Variants in LIG1 observed in about 807,000 individuals in gnomAD.
The protein encoded by LIG1 is ligase I, DNA, ATP-dependent.
A neutral mutation model predicts 115.7 loss-of-function variants in LIG1; 70 were observed. The observed-to-expected ratio is 0.60, with a 90% CI of 0.50 to 0.74. LIG1 has a LOEUF of 0.74. Among genes scored for constraint, LIG1 ranks in the 30% least tolerant of loss-of-function variants. The probability of loss-of-function intolerance (pLI) is 0.00; values close to 1 mark genes in which losing one functional copy is unlikely to be tolerated. For missense variants in LIG1, 1,115 were observed against 1,225.6 expected, an observed-to-expected ratio of 0.91 and a Z score of 1.35; for synonymous variants, 487 against 495.3, an observed-to-expected ratio of 0.98 and a Z score of 0.22.
intron 24 of LIG1, chr19:48,120,566 T>C: frequency 2.0e-6 from 2 of 984,620 alleles, no homozygotes; most frequent in South Asian, 9.4e-5. Context: ...AGAAAAACTT[T>C]AACTTGAAAA....
chr19:48,123,011 AG>A lies in LIG1; in HGVS notation c.2154del (p.Cys719AlafsTer4). 1 of 1,613,850 alleles carries A rather than the reference AG, an allele frequency of 6.2e-7. No individual in the cohort carries two copies. Among genetic ancestry groups the A allele is most frequent in the South Asian group, 1.1e-5 (1 of 91,052 alleles). On this transcript the variant is annotated frameshift_variant, in exon 23 of 28. Transcript: ENST00000263274. LOFTEE classifies it high-confidence loss of function. ...AGGGTCTTCACCATCAGCCCCTCGC[AG>A]GAGTCTGAGGGAGACACAGAAGCGT... ...AEFLEQSVKD[S>X]CEGLMVKTLD... is the part of the protein sequence containing the mutation.
chr19:48,139,512 C>T (rs954333672), intron 12 of LIG1, among the ~76,000 whole-genome samples: 1 of 152,186 alleles, frequency 6.6e-6, no homozygotes, highest in Non-Finnish European at 1.5e-5. Flanking sequence ...CACTCCAGGC[C>T]CTTGGCAGGC....
chr19:48,136,012 G>A, intron 15 of LIG1, 22 bp downstream of exon 15: 3 of 1,539,558 alleles, frequency 1.9e-6, no homozygotes, highest in Non-Finnish European at 2.6e-6. Flanking sequence ...GAGGGATGCA[G>A]AGACGGGCCA....
In LIG1 at chr19:48,133,108, A is replaced by G; in HGVS notation, c.1610-11T>C. The G allele has an allele frequency of 6.4e-7, 1 of 1,559,720 alleles. No individual in the cohort carries two copies. The highest frequency in any genetic ancestry group is 8.8e-7 in the Non-Finnish European group (1 of 1,130,540). ...GTTTCAGGGGAATCCCTGGGAAAGGAGGAGAGTGAGTTAGAGGAGAGGGAA... is the reference window on the plus strand; with the variant it reads ...GTTTCAGGGGAATCCCTGGGAAAGGGGGAGAGTGAGTTAGAGGAGAGGGAA... On this transcript the variant is annotated splice_polypyrimidine_tract_variant and intron_variant, in intron 17 of 27. Coordinates refer to ENST00000263274, the MANE Select transcript of LIG1 (RefSeq NM_000234.3).
At chr19:48,157,279 G>T in intron 4 of LIG1, 139 bp from the exon 5 acceptor site, 1 of 919,968 alleles carries the variant, frequency 1.1e-6, no homozygotes, top group Non-Finnish European at 1.6e-6. Flanking sequence ...ACTCAGGGGT[G>T]GCCTCTTCTC....
At chr19:48,131,255 G>T in intron 18 of LIG1, 84 bp from the exon 19 acceptor site, 1 of 987,208 alleles carries the variant, frequency 1.0e-6, no homozygotes, top group Non-Finnish European at 1.6e-6. Context: ...ACCTGCACTG[G>T]TAGAAGGTTC....
intron 18 of LIG1, 21 bp downstream of exon 18, chr19:48,132,961 G>C (rs1568497611): frequency 2.0e-6 from 3 of 1,533,850 alleles, no homozygotes; most frequent in Non-Finnish European, 2.7e-6. Flanking sequence ...CTGTGGAAGG[G>C]ACATGTCCCA....
chr19:48,131,104 T>C lies in LIG1; in HGVS notation c.1793A>G (p.Tyr598Cys). The change falls in exon 19 of 28, where the codon TAC (tyrosine) becomes TGC (cysteine). Residue 598 changes from tyrosine to cysteine, a missense_variant. By Grantham distance (194) the Tyr-to-Cys change is radical (BLOSUM62 -2). Coordinates refer to ENST00000263274, the MANE Select transcript of LIG1 (RefSeq NM_000234.3). ...GGGGATGCGGCTGATGATGTCCGGG[T>C]ACTTCCCAGTGTTGTCTTCCTGATT... ...SRNQEDNTGK[Y>C]PDIISRIPKI... The C allele has an allele frequency of 1.2e-6, 2 of 1,614,142 alleles. No homozygotes were observed. Among genetic ancestry groups the C allele is most frequent in the Non-Finnish European group, 8.5e-7 (1 of 1,179,996 alleles).
chr19:48,115,756 G>A (rs1239975592), intron 27 of LIG1, 24 bp from the exon 28 acceptor site: 1 of 1,601,852 alleles, frequency 6.2e-7, no homozygotes, highest in East Asian at 2.2e-5. Flanking sequence ...GTGGGACGGG[G>A]TGGTCAGAAG....
intron 24 of LIG1, 29 bp from the exon 25 acceptor site, chr19:48,119,219 C>T (rs1205714833): frequency 1.9e-6 from 3 of 1,563,276 alleles, no homozygotes; most frequent in Admixed American, 3.7e-5. Context: ...AGGTCAGAGG[C>T]TCAGCCAGCC....
In LIG1 at chr19:48,121,573, G is replaced by A. The variant is rs374767055; in HGVS notation, c.2233-251C>T. ...TCCCAGCATTTTGGGAGGCCGAGGC[G>A]GGTGGATCACCTGAGGTCGGGAGTT... On this transcript the variant is annotated intron_variant, in intron 23 of 27. Coordinates refer to ENST00000263274, the MANE Select transcript of LIG1 (RefSeq NM_000234.3). Among the ~76,000 whole-genome samples, 40 of 152,216 alleles carry A rather than the reference G, an allele frequency of 2.6e-4. No homozygotes were observed. The East Asian group carries it at 7.0e-3, about 26-fold the overall frequency.
chr19:48,143,471 G>A, intron 11 of LIG1, 72 bp downstream of exon 11: 1 of 1,269,362 alleles, frequency 7.9e-7, no homozygotes. Context: ...GAACAAGGCA[G>A]CACAGACCGC....
rs888767670 is a variant in LIG1, at chr19:48,115,533, C to T, written c.*116G>A. On this transcript the variant is annotated 3_prime_UTR_variant, in exon 28 of 28. Coordinates refer to ENST00000263274, the MANE Select transcript of LIG1 (RefSeq NM_000234.3). ...CACCCCCTCACACACACACCCCTCC[C>T]CTGACTCTCAAAATCCACAGCCTGC... 1.0e-5 allele frequency: 8 copies of T among 768,654 alleles called. No individual in the cohort carries two copies. The highest frequency in any genetic ancestry group is 1.7e-5 in the African/African-American group (1 of 58,382). The allele number at this position is 768,654 out of a possible 1,614,324, so 47.6% of individuals were successfully genotyped here. A position where few individuals can be genotyped will look rare whatever the true frequency, so the allele number is the denominator to read the frequency against.
chr19:48,133,965 C>T lies in LIG1; in HGVS notation c.1609+16G>A, dbSNP rs749279460. 3.9e-6 allele frequency: 6 copies of T among 1,550,310 alleles called. No homozygotes were observed. Among genetic ancestry groups the T allele is most frequent in the African/African-American group, 1.4e-5 (1 of 73,048 alleles). ...AGGGCTGCTGCCAGGCTGGTGAGCG[C>T]CCCTGGGGCCTGTACCTGGGCTCAG... is the stretch of plus-strand genomic sequence containing the variant. On this transcript the variant is annotated intron_variant, in intron 17 of 27. Transcript: ENST00000263274.
chr19:48,147,242 C>T (rs933536265), intron 9 of LIG1: 4 of 152,182 alleles, frequency 2.6e-5, no homozygotes, highest in Admixed American at 2.6e-4. Flanking sequence ...ATTCCAAACC[C>T]CTTTTCCGTT....
Position 48,151,272 on chromosome 19 carries a change from C to G in LIG1, c.534G>C (p.Gly178=), listed in dbSNP as rs138811010. 13 of 1,613,564 alleles carry G rather than the reference C, an allele frequency of 8.1e-6. No individual in the cohort carries two copies. The highest frequency in any genetic ancestry group is 1.1e-5 in the Non-Finnish European group (13 of 1,179,788). The part of the protein sequence containing the change: ...EVATEKEGED[G]DQPTTPPKPL... Reference sequence around the variant, plus strand: ...GCTTGGGAGGCGTGGTGGGCTGGTCCCCGTCTTCTCCTTCCTTCTCTGTGG... The same window carrying G: ...GCTTGGGAGGCGTGGTGGGCTGGTCGCCGTCTTCTCCTTCCTTCTCTGTGG... Residue 178 remains glycine (G), a synonymous_variant, in exon 7 of 28, where the codon GGG becomes GGC. Transcript: ENST00000263274.
intron 4 of LIG1, among the ~76,000 whole-genome samples, chr19:48,160,924 A>T (rs1314127108): frequency 6.6e-6 from 1 of 151,778 alleles, no homozygotes; most frequent in African/African-American, 2.4e-5. Flanking sequence ...TTTTGTAGAG[A>T]TGGGGTCTCG....
At chr19:48,154,050 C>A in intron 5 of LIG1, 83 bp from the exon 6 acceptor site, 1 of 1,160,608 alleles carries the variant, frequency 8.6e-7, no homozygotes, top group Non-Finnish European at 1.3e-6. Context: ...ACTGATGTAG[C>A]CTCTGGAAGG....
Position 48,128,459 on chromosome 19 carries a change from T to A in LIG1, c.1822-439A>T, listed in dbSNP as rs117430370. ...CACAGCACCTCCCTGCTAAAAACCA[T>A]CCCCATGATTCCCCAAAGCTGGGGG... is the stretch of plus-strand genomic sequence containing the variant. On this transcript the variant is annotated intron_variant, in intron 19 of 27. Coordinates refer to ENST00000263274, the MANE Select transcript of LIG1 (RefSeq NM_000234.3). Among the ~76,000 whole-genome samples, 1,284 of 152,098 alleles carry A rather than the reference T, an allele frequency of 8.4e-3. 12 individuals carry two copies. Among genetic ancestry groups the A allele is most frequent in the Middle Eastern group, 0.017 (5 of 294 alleles).
Sources: gnomAD v4.1 joint callset for allele counts (sites outside exome capture counted in the v4.1 genomes callset) on GRCh38, gnomAD v4.1.1 for gene constraint, MANE v1.5 for transcripts, NCBI Gene and HGNC (gene_info 2026-07-23, HGNC 2026-07-21) for gene names.